The following LMX1A variants were observed in gnomAD, a reference collection of about 807,000 sequenced individuals.
LMX1A encodes LIM homeobox transcription factor 1-alpha.
A neutral mutation model predicts 49.1 loss-of-function variants in LMX1A; 15 were observed. That is an observed-to-expected ratio of 0.31 (90% CI 0.20 to 0.47). The LOEUF (loss-of-function observed/expected upper bound fraction) is 0.47, where lower values mean the gene tolerates loss of function less well. Among genes scored for constraint, LMX1A ranks in the 20% least tolerant of loss-of-function variants. The pLI is 1.00. For synonymous variants in LMX1A, 167 were observed against 185.7 expected (o/e 0.90, Z 0.82); for missense variants, 372 against 475.8 (o/e 0.78, Z 2.03).
At chr1:165,283,048 C>A (rs1478022792) in intron 3 of LMX1A, among the ~76,000 whole-genome samples, 1 of 152,234 alleles carries the variant, frequency 6.6e-6, no homozygotes, top group Non-Finnish European at 1.5e-5. Flanking sequence ...GCACTGATTT[C>A]TTTCCATGCC....
Position 165,322,098 on chromosome 1 carries a change from G to C in LMX1A, c.263+30978C>G, listed in dbSNP as rs540278501. On this transcript the variant is annotated intron_variant, in intron 3 of 8. Transcript: ENST00000342310. ...ATATGCTCAACATCATTAGTCTTTA[G>C]GGAAATGCAAATCAAAACCAGAATG... 2.0e-5 allele frequency among the ~76,000 whole-genome samples: 3 copies of C among 152,174 alleles called. No homozygotes were observed. In the South Asian group the frequency reaches 6.2e-4, roughly 32 times the overall value.
At chr1:165,301,389 T>A (rs1023488494) in intron 3 of LMX1A, among the ~76,000 whole-genome samples, 1 of 140,332 alleles carries the variant, frequency 7.1e-6, no homozygotes, top group Admixed American at 7.2e-5. Flanking sequence ...ACACACACAC[T>A]TCTCTGCCAG....
At chr1:165,314,561 CT>C (rs1655165625) in intron 3 of LMX1A, among the ~76,000 whole-genome samples, 1 of 152,192 alleles carries the variant, frequency 6.6e-6, no homozygotes, top group South Asian at 2.1e-4. Context: ...CATTTTGTTT[CT>C]TCTAGTTTTT....
intron 3 of LMX1A, among the ~76,000 whole-genome samples, chr1:165,278,094 A>C (rs1654023573): frequency 7.1e-6 from 1 of 141,004 alleles, no homozygotes; most frequent in African/African-American, 2.7e-5. Flanking sequence ...GGAGGTACCA[A>C]GAGATTTATT....
intron 3 of LMX1A, among the ~76,000 whole-genome samples, chr1:165,304,665 C>T (rs1399927690): frequency 6.6e-6 from 1 of 152,174 alleles, no homozygotes; most frequent in East Asian, 1.9e-4. Flanking sequence ...AACCCAAGTC[C>T]CTTCCATGAT....
At chr1:165,277,133 G>C (rs1442262079) in intron 3 of LMX1A, among the ~76,000 whole-genome samples, 1 of 152,248 alleles carries the variant, frequency 6.6e-6, no homozygotes, top group African/African-American at 2.4e-5. Context: ...GTGAGTGCCT[G>C]AGTAATGGAT....
chr1:165,341,355 T>G (rs1162271878), intron 3 of LMX1A, among the ~76,000 whole-genome samples: 2 of 152,138 alleles, frequency 1.3e-5, no homozygotes, highest in African/African-American at 4.8e-5. Context: ...TCATCTCCTC[T>G]TTTCCTACAC....
Position 165,245,631 on chromosome 1 carries a change from C to CAA in LMX1A, c.496+3775_496+3776dup, listed in dbSNP as rs10708273. On this transcript the variant is annotated intron_variant, in intron 4 of 8. Coordinates refer to ENST00000342310, the MANE Select transcript of LMX1A (RefSeq NM_177398.4). ...TATTCTAAATGTGCTCTGACCAGGGCAAAAAAAAAAAAAATACTGAAACTA... is the reference window on the plus strand; with the variant it reads ...TATTCTAAATGTGCTCTGACCAGGGCAAAAAAAAAAAAAAAATACTGAAACTA... Among the ~76,000 whole-genome samples the CAA allele has an allele frequency of 1.4e-3, 197 of 142,924 alleles. 1 individual carries two copies. The highest frequency in any genetic ancestry group is 3.1e-3 in the African/African-American group (122 of 38,770). 93.8% of individuals were successfully genotyped at this position (142,924 alleles called of 152,430 possible). A position where few individuals can be genotyped will look rare whatever the true frequency, so the allele number is the denominator to read the frequency against.
chr1:165,226,675 A>C (rs998229866), intron 4 of LMX1A, among the ~76,000 whole-genome samples: 1 of 152,220 alleles, frequency 6.6e-6, no homozygotes, highest in African/African-American at 2.4e-5. Context: ...TCAGGTTCTA[A>C]GTTGACATTA....
chr1:165,326,480 T>C (rs1014058062), intron 3 of LMX1A, among the ~76,000 whole-genome samples: 1 of 152,224 alleles, frequency 6.6e-6, no homozygotes, highest in Non-Finnish European at 1.5e-5. Context: ...AACTGGTCAA[T>C]GGTATTAAAC....
chr1:165,231,277 T>C (rs548594296), intron 4 of LMX1A, among the ~76,000 whole-genome samples: 1 of 150,504 alleles, frequency 6.6e-6, no homozygotes, highest in Non-Finnish European at 1.5e-5. Context: ...AAACAAATCT[T>C]AGAAACTGGC....
intron 3 of LMX1A, among the ~76,000 whole-genome samples, chr1:165,340,191 C>A (rs1656030124): frequency 6.6e-6 from 1 of 152,094 alleles, no homozygotes. Flanking sequence ...CAGCCTCAAA[C>A]TCCTGAGCAA....
At chr1:165,264,087 G>A (rs1317546964) in intron 3 of LMX1A, among the ~76,000 whole-genome samples, 1 of 152,098 alleles carries the variant, frequency 6.6e-6, no homozygotes, top group Non-Finnish European at 1.5e-5. Context: ...TCTAACCCAG[G>A]AGAGCATCAA....
At chr1:165,206,300 T>C (rs913448891) in intron 7 of LMX1A, among the ~76,000 whole-genome samples, 2 of 152,202 alleles carry the variant, frequency 1.3e-5, no homozygotes, top group African/African-American at 4.8e-5. Context: ...GTCACTAGAA[T>C]AGATGTATCT....
At chr1:165,258,091 A>G (rs747403971) in intron 3 of LMX1A, among the ~76,000 whole-genome samples, 2 of 152,176 alleles carry the variant, frequency 1.3e-5, no homozygotes, top group Non-Finnish European at 2.9e-5. Context: ...GAATCTGTGT[A>G]TCATTCAGTT....
At chr1:165,209,296 C>A (rs978081167) in intron 6 of LMX1A, among the ~76,000 whole-genome samples, 3 of 152,154 alleles carry the variant, frequency 2.0e-5, no homozygotes, top group Non-Finnish European at 4.4e-5. Context: ...TATATTTGGT[C>A]GTTGACCCTG....
At chr1:165,327,587 C>G (rs1655626773) in intron 3 of LMX1A, among the ~76,000 whole-genome samples, 3 of 152,254 alleles carry the variant, frequency 2.0e-5, no homozygotes, top group African/African-American at 7.2e-5. Flanking sequence ...GATTCCTCCA[C>G]TGCCCTGAAC....
At chr1:165,304,672 T>G (rs923486159) in intron 3 of LMX1A, among the ~76,000 whole-genome samples, 70 of 152,220 alleles carry the variant, frequency 4.6e-4, no homozygotes, top group Non-Finnish European at 1.8e-4. Context: ...GTCCCTTCCA[T>G]GATATCCAAG....
intron 3 of LMX1A, among the ~76,000 whole-genome samples, chr1:165,277,198 G>A (rs1022611347): frequency 7.9e-5 from 12 of 152,226 alleles, no homozygotes; most frequent in African/African-American, 2.9e-4. Context: ...CAAGTTTACT[G>A]GGCTGGTGGA....
Sources: gnomAD v4.1 joint callset for allele counts (sites outside exome capture counted in the v4.1 genomes callset) on GRCh38, gnomAD v4.1.1 for gene constraint, MANE v1.5 for transcripts, NCBI Gene and HGNC (gene_info 2026-07-23, HGNC 2026-07-21) for gene names.